The following BCAS3 variants were observed in gnomAD, a reference collection of about 807,000 sequenced individuals.
BCAS3 encodes the protein BCAS4/BCAS3 fusion.
BCAS3 carries 53 observed loss-of-function variants against 116.1 expected under a neutral mutation model. The observed-to-expected ratio is 0.46, with a 90% CI of 0.37 to 0.57. The LOEUF (loss-of-function observed/expected upper bound fraction) is 0.57. BCAS3 is among the 20% of genes least tolerant of loss of function. BCAS3 has a pLI of 0.00. For synonymous variants in BCAS3, 391 were observed against 408.2 expected (o/e 0.96, Z 0.51); for missense variants, 917 against 1,165.4 (o/e 0.79, Z 3.10).
intron 6 of BCAS3, among the ~76,000 whole-genome samples, chr17:60,796,774 T>C (rs2047247972): frequency 6.6e-6 from 1 of 152,206 alleles, no homozygotes; most frequent in Non-Finnish European, 1.5e-5. Context: ...TTTGTTCTTG[T>C]TTCTCTAGTT....
At chr17:60,874,623 CT>C (rs757969491) in intron 8 of BCAS3, 38 bp from the exon 9 acceptor site, 41 of 1,452,726 alleles carry the variant, frequency 2.8e-5, no homozygotes, top group African/African-American at 2.1e-4. Flanking sequence ...TTCACATTCA[CT>C]TTTTTTCTTT....
chr17:61,116,543 A>T (rs2075468986), intron 22 of BCAS3, among the ~76,000 whole-genome samples: 2 of 152,234 alleles, frequency 1.3e-5, no homozygotes. Flanking sequence ...GGAGGAGAAG[A>T]AAAGCTTATA....
At chr17:60,769,644 C>A (rs1206853953) in intron 6 of BCAS3, among the ~76,000 whole-genome samples, 1 of 152,188 alleles carries the variant, frequency 6.6e-6, no homozygotes, top group East Asian at 1.9e-4. Flanking sequence ...GCTGTTGGTC[C>A]ACAGCAGCCT....
intron 6 of BCAS3, among the ~76,000 whole-genome samples, chr17:60,759,629 T>TTTTTTTTTTTTTTAA (rs2043321346): frequency 4.1e-5 from 1 of 24,138 alleles, no homozygotes. Flanking sequence ...CATAGTGACT[T>TTTTTTTTTTTTTTAA]CTTTTTTTTT....
At chr17:60,847,203 T>A (rs1422599004) in intron 7 of BCAS3, among the ~76,000 whole-genome samples, 1 of 152,054 alleles carries the variant, frequency 6.6e-6, no homozygotes, top group Non-Finnish European at 1.5e-5. Context: ...TTGTATACAT[T>A]GTACACTACA....
chr17:60,898,460 C>G (rs995535132), intron 10 of BCAS3, among the ~76,000 whole-genome samples: 25 of 150,946 alleles, frequency 1.7e-4, no homozygotes, highest in African/African-American at 5.6e-4. Flanking sequence ...TTTTTTTTTT[C>G]TGTATACATC....
intron 5 of BCAS3, among the ~76,000 whole-genome samples, chr17:60,727,954 C>A (rs2040065823): frequency 6.6e-6 from 1 of 151,812 alleles, no homozygotes; most frequent in African/African-American, 2.4e-5. Flanking sequence ...ACTACAGGTG[C>A]ATGCCACCAT....
intron 22 of BCAS3, among the ~76,000 whole-genome samples, chr17:61,289,104 T>C (rs1200278709): frequency 6.6e-6 from 1 of 152,232 alleles, no homozygotes; most frequent in Non-Finnish European, 1.5e-5. Context: ...TGTTTCAGAC[T>C]CTTCATGTCG....
In BCAS3 at chr17:61,337,558, C is replaced by T. The variant is rs1037685211; in HGVS notation, c.2426-30769C>T. ...TGCCAAGATCCTGCCAGGCTTCCCT[C>T]GCCTTTGATTTGCCAAATTCCATGT... On this transcript the variant is annotated intron_variant, in intron 22 of 23. Coordinates refer to ENST00000407086, the MANE Select transcript of BCAS3 (RefSeq NM_017679.5). The surrounding 1 kb of genome is among the most constrained non-coding windows in gnomAD (Gnocchi z 4.8). Among the ~76,000 whole-genome samples the T allele has an allele frequency of 2.0e-5, 3 of 152,198 alleles. No homozygotes were observed. The highest frequency in any genetic ancestry group is 1.9e-4 in the East Asian group (1 of 5,198).
intron 5 of BCAS3, among the ~76,000 whole-genome samples, chr17:60,740,467 C>G (rs1292183978): frequency 1.3e-5 from 2 of 148,178 alleles, no homozygotes; most frequent in Non-Finnish European, 3.0e-5. Flanking sequence ...GTACTACACT[C>G]CAGCCTGGGT....
intron 6 of BCAS3, among the ~76,000 whole-genome samples, chr17:60,762,475 G>A (rs1334822371): frequency 6.6e-6 from 1 of 152,046 alleles, no homozygotes; most frequent in Non-Finnish European, 1.5e-5. Flanking sequence ...CCCATTTCTT[G>A]TTTTTGTCAG....
At chr17:60,689,410 A>G (rs2034517963) in intron 3 of BCAS3, among the ~76,000 whole-genome samples, 6 of 152,216 alleles carry the variant, frequency 3.9e-5, no homozygotes, top group Admixed American at 3.9e-4. Context: ...TCCTGGCCTC[A>G]AGTGGTCTGC....
intron 7 of BCAS3, chr17:60,810,214 G>A (rs1568300377): frequency 1.6e-5 from 7 of 432,508 alleles, no homozygotes; most frequent in Non-Finnish European, 2.7e-5. Flanking sequence ...CCAGTCTCTG[G>A]GCTCTGTGCA....
chr17:61,091,200 A>C (rs183292302), intron 22 of BCAS3, among the ~76,000 whole-genome samples: 1 of 152,348 alleles, frequency 6.6e-6, no homozygotes, highest in East Asian at 1.9e-4. Context: ...GGTCCTTGAC[A>C]TGGCTTTAAA....
intron 14 of BCAS3, among the ~76,000 whole-genome samples, chr17:60,982,520 T>C (rs765127127): frequency 2.0e-5 from 3 of 151,958 alleles, no homozygotes; most frequent in Non-Finnish European, 2.9e-5. Context: ...CTTAATTTCA[T>C]TGGTCTCATG....
intron 13 of BCAS3, among the ~76,000 whole-genome samples, chr17:60,935,524 A>G (rs1342355376): frequency 6.6e-6 from 1 of 152,086 alleles, no homozygotes; most frequent in Middle Eastern, 3.2e-3. Context: ...TTTTTCTTAT[A>G]TATACTTGTT....
rs2081587277 is a variant in BCAS3, at chr17:61,213,385, G to T, written c.2425+128821G>T. Among the ~76,000 whole-genome samples the T allele has an allele frequency of 6.6e-6, 1 of 151,988 alleles. No homozygotes were observed. Among genetic ancestry groups the T allele is most frequent in the African/African-American group, 2.4e-5 (1 of 41,384 alleles). On this transcript the variant is annotated intron_variant, in intron 22 of 23. Coordinates refer to ENST00000407086, the MANE Select transcript of BCAS3 (RefSeq NM_017679.5). The surrounding 1 kb of genome is among the most constrained non-coding windows in gnomAD (Gnocchi z 5.4). Reference sequence around the variant, plus strand: ...GGGTTTCACCAGCTTGGCCAGGCTGGTCTTGAACTCCTGACCTCGTGATCC... The same window carrying T: ...GGGTTTCACCAGCTTGGCCAGGCTGTTCTTGAACTCCTGACCTCGTGATCC...
intron 19 of BCAS3, chr17:61,069,985 A>G: frequency 6.3e-7 from 1 of 1,587,242 alleles, no homozygotes; most frequent in Non-Finnish European, 8.6e-7. Flanking sequence ...CAAAAAGAAG[A>G]AGATCCGCAC....
intron 22 of BCAS3, among the ~76,000 whole-genome samples, chr17:61,269,342 C>T (rs184513745): frequency 5.9e-5 from 9 of 151,680 alleles, no homozygotes; most frequent in East Asian, 3.9e-4. Context: ...CTCGAACTCC[C>T]GACCTCAAGT....
Sources: gnomAD v4.1 joint callset for allele counts (sites outside exome capture counted in the v4.1 genomes callset) on GRCh38, gnomAD v4.1.1 for gene constraint, Gnocchi (gnomAD v3.1) non-coding constraint, MANE v1.5 for transcripts, NCBI Gene and HGNC (gene_info 2026-07-23, HGNC 2026-07-21) for gene names.